PDS5B: variants seen among roughly 807,000 people sequenced by gnomAD.
The protein encoded by PDS5B is PDS5 cohesin associated factor B.
In PDS5B, 51 loss-of-function variants were observed where a neutral mutation model predicts 184.1. The ratio of observed to expected loss-of-function variants is 0.28; its 90% CI spans 0.22 to 0.35. The LOEUF (loss-of-function observed/expected upper bound fraction) is 0.35. Among genes scored for constraint, PDS5B ranks in the 10% least tolerant of loss-of-function variants. The pLI, the probability that PDS5B is intolerant of heterozygous loss-of-function variation, is 1.00. For missense variants in PDS5B, 1,180 were observed against 1,723.3 expected (o/e 0.68, Z 5.58); for synonymous variants, 566 against 569.2 (o/e 0.99, Z 0.08).
At chr13:32,711,808 C>T (rs1160317982) in intron 19 of PDS5B, among the ~76,000 whole-genome samples, 1 of 151,944 alleles carries the variant, frequency 6.6e-6, no homozygotes, top group African/African-American at 2.4e-5. Context: ...AGTACGTATA[C>T]ATACCCACTC....
chr13:32,691,262 G>A (rs1293131578), intron 13 of PDS5B: 1 of 151,862 alleles, frequency 6.6e-6, no homozygotes, highest in Non-Finnish European at 1.5e-5. Context: ...AAACAATTGT[G>A]TATACAGTGT....
At chr13:32,652,729 A>C (rs1345258732) in intron 3 of PDS5B, 1 of 151,074 alleles carries the variant, frequency 6.6e-6, no homozygotes, top group Non-Finnish European at 1.5e-5. Context: ...ACTGCATTCC[A>C]GCCTGGGCTG....
intron 1 of PDS5B, among the ~76,000 whole-genome samples, chr13:32,588,471 T>G (rs567248678): frequency 5.9e-5 from 9 of 152,240 alleles, no homozygotes; most frequent in Non-Finnish European, 1.3e-4. Context: ...TTCTGATGGT[T>G]TTAAAAATTG....
At chr13:32,741,282 T>C (rs1309640930) in intron 22 of PDS5B, 134 bp downstream of exon 22, 1 of 548,172 alleles carries the variant, frequency 1.8e-6, no homozygotes, top group Non-Finnish European at 3.2e-6. Flanking sequence ...TGATGTCTTA[T>C]GTGCTGTGAG....
intron 31 of PDS5B, among the ~76,000 whole-genome samples, chr13:32,766,086 A>C (rs892892989): frequency 1.3e-5 from 2 of 152,206 alleles, no homozygotes; most frequent in African/African-American, 2.4e-5. Context: ...ATGTCTTCTT[A>C]GTTCTCACTT....
intron 15 of PDS5B, among the ~76,000 whole-genome samples, chr13:32,697,363 G>T (rs17077757): frequency 6.6e-6 from 1 of 152,160 alleles, no homozygotes; most frequent in South Asian, 2.1e-4. Context: ...GTTTTTGCAG[G>T]TCATTTGCTT....
At chr13:32,646,655 G>T (rs1289135098) in intron 1 of PDS5B, among the ~76,000 whole-genome samples, 2 of 151,008 alleles carry the variant, frequency 1.3e-5, no homozygotes, top group African/African-American at 4.9e-5. Context: ...CTTTCAGCAT[G>T]TATCCACTTT....
rs1393824844 is a variant in PDS5B, at chr13:32,776,768, T to C, written c.*1716T>C. The C allele has an allele frequency of 6.6e-6, 1 of 152,522 alleles. No homozygotes were observed. Among genetic ancestry groups the C allele is most frequent in the Non-Finnish European group, 1.5e-5 (1 of 67,916 alleles). 9.4% of individuals were successfully genotyped at this position (152,522 alleles called of 1,614,324 possible). On this transcript the variant is annotated 3_prime_UTR_variant, in exon 35 of 35. Transcript: ENST00000315596. ...AATGACATTTTACTATTTGCCAATG[T>C]ATATTGCAATTGATGTGATTATTTT... is the stretch of plus-strand genomic sequence containing the variant.
chr13:32,605,579 C>T (rs928935276), intron 1 of PDS5B, among the ~76,000 whole-genome samples: 4 of 152,260 alleles, frequency 2.6e-5, no homozygotes, highest in Non-Finnish European at 5.9e-5. Flanking sequence ...CTGTAGATGT[C>T]TGTTAGGTCT....
chr13:32,767,479 T>A (rs1271136768), intron 31 of PDS5B, among the ~76,000 whole-genome samples: 2 of 152,192 alleles, frequency 1.3e-5, no homozygotes, highest in Non-Finnish European at 2.9e-5. Context: ...TATGTATATA[T>A]TTATGTTTGT....
rs11815581 is a variant in PDS5B, at chr13:32,730,553, C to T, written c.2124-1548C>T. Among the ~76,000 whole-genome samples, 5 of 152,194 alleles carry T rather than the reference C, an allele frequency of 3.3e-5. No homozygotes were observed. In the South Asian group the frequency reaches 6.2e-4, roughly 19 times the overall value. On this transcript the variant is annotated intron_variant, in intron 19 of 34. Transcript: ENST00000315596. ...ATTTTGGGCAGTATGGCCATTTTCA[C>T]GACATTGGTTCTTCCTATCCATGAG...
intron 19 of PDS5B, among the ~76,000 whole-genome samples, chr13:32,729,978 G>A (rs1211353186): frequency 6.6e-6 from 1 of 152,130 alleles, no homozygotes; most frequent in African/African-American, 2.4e-5. Flanking sequence ...TTTGGCTTTT[G>A]TTGCCATTGC....
Position 32,739,529 on chromosome 13 carries a change from A to G in PDS5B, c.2407-1551A>G, listed in dbSNP as rs140120860. Among the ~76,000 whole-genome samples, 14 of 152,326 alleles carry G rather than the reference A, an allele frequency of 9.2e-5. No individual in the cohort carries two copies. In the South Asian group the frequency reaches 1.2e-3, roughly 14 times the overall value. On this transcript the variant is annotated intron_variant, in intron 21 of 34. Coordinates refer to ENST00000315596, the MANE Select transcript of PDS5B (RefSeq NM_015032.4). ...TTCTTGCTAAATTCTAATTTTGTCA[A>G]TTATAAAGAATGCCAGCTTTGATTA...
chr13:32,704,463 C>T (rs1593467212), intron 17 of PDS5B, among the ~76,000 whole-genome samples: 1 of 152,212 alleles, frequency 6.6e-6, no homozygotes, highest in Non-Finnish European at 1.5e-5. Context: ...GCCACTGTGC[C>T]CCGGCCTTGA....
At chr13:32,682,463 T>C (rs1201553380) in intron 10 of PDS5B, among the ~76,000 whole-genome samples, 5 of 152,226 alleles carry the variant, frequency 3.3e-5, no homozygotes, top group Non-Finnish European at 7.3e-5. Flanking sequence ...TTATCCTGTT[T>C]TGTTAATTTA....
At chr13:32,633,186 G>A (rs1014267850) in intron 1 of PDS5B, among the ~76,000 whole-genome samples, 7 of 152,158 alleles carry the variant, frequency 4.6e-5, no homozygotes, top group Non-Finnish European at 1.0e-4. Flanking sequence ...ATTGCTTAAT[G>A]GTTACAAGTT....
chr13:32,603,585 T>G (rs551284080), intron 1 of PDS5B, among the ~76,000 whole-genome samples: 3 of 152,346 alleles, frequency 2.0e-5, no homozygotes, highest in African/African-American at 7.2e-5. Context: ...GTGGGCTGTT[T>G]TGTGGTTCCA....
Position 32,770,501 on chromosome 13 carries a change from A to T in PDS5B, c.4005A>T (p.Gly1335=), listed in dbSNP as rs777114832. ...AGGAAGAAGAAGAAAGACAAAGTGG[A>T]AATACGGAACAGAAGTCCAAAAGCA... ...EEEEEEERQS[G]NTEQKSKSKQ... is the part of the protein sequence containing the mutation. The change falls in exon 32 of 35, where the codon GGA becomes GGT. Residue 1335 remains glycine, a synonymous_variant. Transcript: ENST00000315596. 191 of 1,611,478 alleles carry T rather than the reference A, an allele frequency of 1.2e-4. No individual in the cohort carries two copies. Among genetic ancestry groups the T allele is most frequent in the Non-Finnish European group, 1.5e-4 (177 of 1,179,514 alleles).
intron 12 of PDS5B, 21 bp from the exon 13 acceptor site, chr13:32,688,435 G>C: frequency 1.7e-6 from 2 of 1,212,058 alleles, no homozygotes; most frequent in Non-Finnish European, 2.4e-6. Flanking sequence ...TCAATACAAT[G>C]CCTTCTCTGC....
Sources: allele counts gnomAD v4.1 joint callset (sites outside exome capture counted in the v4.1 genomes callset), GRCh38; gene constraint gnomAD v4.1.1; transcripts MANE v1.5; gene names NCBI Gene and HGNC (gene_info 2026-07-23, HGNC 2026-07-21).